The following ERCC6L2 variants were observed in gnomAD, a reference collection of about 807,000 sequenced individuals.
ERCC6L2 encodes the protein DNA excision repair protein ERCC-6-like 2.
In ERCC6L2, 77 loss-of-function variants were observed where a neutral mutation model predicts 132.0. The ratio of observed to expected loss-of-function variants is 0.58; its 90% confidence interval spans 0.49 to 0.71. The LOEUF (loss-of-function observed/expected upper bound fraction) is 0.71, where lower values mean the gene tolerates loss of function less well. Ranked by LOEUF, ERCC6L2 falls within the 30% of genes least tolerant of loss-of-function variation. The probability of loss-of-function intolerance (pLI) is 0.00; values close to 1 mark genes in which losing one functional copy is unlikely to be tolerated. For synonymous variants in ERCC6L2, 583 were observed against 632.4 expected (o/e 0.92, Z 1.17); for missense variants, 1,542 against 1,837.6 (o/e 0.84, Z 2.94).
At chr9:95,922,544 A>G in intron 8 of ERCC6L2, 126 bp downstream of exon 8, 1 of 625,342 alleles carries the variant, frequency 1.6e-6, no homozygotes, top group Non-Finnish European at 2.8e-6. Context: ...GCTTATTTTT[A>G]AATGTAGATA....
chr9:95,921,424 T>C (rs1190592140), intron 7 of ERCC6L2, 109 bp downstream of exon 7: 1 of 797,438 alleles, frequency 1.3e-6, no homozygotes, highest in East Asian at 3.1e-5. Context: ...AGACAGTTCT[T>C]TAAAGCTATG....
chr9:96,006,157 A>G (rs984413198), intron 18 of ERCC6L2, among the ~76,000 whole-genome samples: 5 of 152,190 alleles, frequency 3.3e-5, no homozygotes, highest in Non-Finnish European at 2.9e-5. Flanking sequence ...AGAGTTTATA[A>G]ATGGTCTTCA....
intron 3 of ERCC6L2, among the ~76,000 whole-genome samples, chr9:95,904,137 C>T (rs1356342517): frequency 9.9e-5 from 15 of 151,694 alleles, no homozygotes; most frequent in Non-Finnish European, 2.2e-4. Flanking sequence ...AAGGTTGTGG[C>T]GATAAATACA....
chr9:95,882,464 G>A (rs148873644), intron 2 of ERCC6L2, among the ~76,000 whole-genome samples: 5 of 152,090 alleles, frequency 3.3e-5, no homozygotes, highest in Admixed American at 6.6e-5. Flanking sequence ...TATACTAAAC[G>A]ATCACTTTAG....
At chr9:95,997,967 C>G (rs1411515464) in intron 17 of ERCC6L2, among the ~76,000 whole-genome samples, 1 of 152,164 alleles carries the variant, frequency 6.6e-6, no homozygotes, top group Non-Finnish European at 1.5e-5. Flanking sequence ...GTGAAACCAA[C>G]TTTTCTAACG....
At chr9:95,926,337 A>G (rs904272698) in intron 9 of ERCC6L2, among the ~76,000 whole-genome samples, 1 of 152,308 alleles carries the variant, frequency 6.6e-6, no homozygotes, top group South Asian at 2.1e-4. Flanking sequence ...ACAAGAACCT[A>G]TGAGTTTATT....
chr9:95,984,784 G>A (rs755049542), intron 17 of ERCC6L2, among the ~76,000 whole-genome samples: 2 of 152,076 alleles, frequency 1.3e-5, no homozygotes, highest in Non-Finnish European at 2.9e-5. Context: ...GTTTTTGTCA[G>A]GGTACAATGA....
At chr9:96,020,584 G>GTCTCA, downstream of ERCC6L2, 2 of 363,592 alleles carry the variant, frequency 5.5e-6, no homozygotes, top group Non-Finnish European at 1.1e-5. Flanking sequence ...GGACAAGCAG[G>GTCTCA]TCTCAAGAAG....
chr9:95,958,818 A>G (rs1831750053), intron 13 of ERCC6L2, among the ~76,000 whole-genome samples: 2 of 152,152 alleles, frequency 1.3e-5, no homozygotes, highest in East Asian at 3.8e-4. Flanking sequence ...TCCTACTTAC[A>G]AGGGACGTGA....
At chr9:96,008,813 G>A (rs574882514) in intron 18 of ERCC6L2, among the ~76,000 whole-genome samples, 1 of 152,310 alleles carries the variant, frequency 6.6e-6, no homozygotes, top group South Asian at 2.1e-4. Context: ...TCACATGCTG[G>A]GTTGAGTTTG....
chr9:95,875,980 GTCC>G lies in ERCC6L2; in HGVS notation c.-55_-53del, dbSNP rs1564184455. 2 of 1,545,866 alleles carry G rather than the reference GTCC, an allele frequency of 1.3e-6. No homozygotes were observed. Among genetic ancestry groups the G allele is most frequent in the African/African-American group, 2.7e-5 (2 of 73,108 alleles). On this transcript the variant is annotated 5_prime_UTR_variant, in exon 1 of 19. Coordinates refer to ENST00000653738, the MANE Select transcript of ERCC6L2 (RefSeq NM_020207.7). ...TGGCCTGCCGGCCAGCCACCTTGCTGTCCTCCGCCGCCTTCCGGGTGTTACATG... is the reference window on the plus strand; with the variant it reads ...TGGCCTGCCGGCCAGCCACCTTGCTGTCCGCCGCCTTCCGGGTGTTACATG...
At chr9:95,879,343 T>C (rs1280484916) in intron 1 of ERCC6L2, among the ~76,000 whole-genome samples, 1 of 152,240 alleles carries the variant, frequency 6.6e-6, no homozygotes, top group Admixed American at 6.5e-5. Flanking sequence ...TGGTATAATA[T>C]TTGGTGAATA....
intron 2 of ERCC6L2, among the ~76,000 whole-genome samples, chr9:95,886,002 T>TTTTTTGTTGTTGTTCTC (rs1369011938): frequency 6.6e-6 from 1 of 152,120 alleles, no homozygotes; most frequent in East Asian, 1.9e-4. Flanking sequence ...TACGTGAATC[T>TTTTTTGTTGTTGTTCTC]TTTTTGTTGT....
intron 19 of ERCC6L2, among the ~76,000 whole-genome samples, chr9:96,029,184 A>G (rs540619817): frequency 5.4e-4 from 82 of 151,844 alleles, no homozygotes; most frequent in African/African-American, 1.1e-3. Flanking sequence ...CGTGACTGTA[A>G]TCCCAGCTAC....
At chr9:95,906,845 C>T (rs974357329) in intron 3 of ERCC6L2, 1 of 549,902 alleles carries the variant, frequency 1.8e-6, no homozygotes, top group African/African-American at 1.9e-5. Flanking sequence ...ACACGTGTTT[C>T]TTTGAGCAAG....
At chr9:96,010,820 A>G (rs774433282) in intron 18 of ERCC6L2, among the ~76,000 whole-genome samples, 1 of 152,260 alleles carries the variant, frequency 6.6e-6, no homozygotes, top group Non-Finnish European at 1.5e-5. Flanking sequence ...CCTTGAAGAT[A>G]GGAAACGGAG....
intron 6 of ERCC6L2, among the ~76,000 whole-genome samples, chr9:95,919,979 A>T (rs1172462845): frequency 6.6e-6 from 1 of 152,246 alleles, no homozygotes; most frequent in Non-Finnish European, 1.5e-5. Context: ...ACAAATTGAC[A>T]TTAAATAATG....
Position 95,881,237 on chromosome 9 carries a change from A to G in ERCC6L2, c.415A>G (p.Ile139Val), listed in dbSNP as rs777667044. 2 of 1,592,720 alleles carry G rather than the reference A, an allele frequency of 1.3e-6. No homozygotes were observed. The highest frequency in any genetic ancestry group is 1.7e-6 in the Non-Finnish European group (2 of 1,174,602). Residue 139 changes from isoleucine (I) to valine (V), a missense_variant, in exon 2 of 19, where the codon ATC (isoleucine) becomes GTC (valine). Physicochemically the swap from Ile to Val is conservative, Grantham distance 29. Around this residue, in one of 4 missense-constraint regions of ERCC6L2, gnomAD observed 945 missense variants for 1,105.2 expected, o/e 0.86. Coordinates refer to ENST00000653738, the MANE Select transcript of ERCC6L2 (RefSeq NM_020207.7). ...EGTRFLYGHY[I>V]HGGGCILGDD... is the part of the protein sequence containing the mutation. Reference sequence around the variant, plus strand: ...AACCCGGTTTCTTTATGGACACTACATCCATGGAGGAGGGTGCATTCTGGG... The same window carrying G: ...AACCCGGTTTCTTTATGGACACTACGTCCATGGAGGAGGGTGCATTCTGGG...
chr9:95,906,435 A>G (rs1829038942), intron 3 of ERCC6L2, among the ~76,000 whole-genome samples: 1 of 152,100 alleles, frequency 6.6e-6, no homozygotes, highest in Non-Finnish European at 1.5e-5. Flanking sequence ...GAGCCACTGT[A>G]TGAGGGGTTT....
Sources: gnomAD v4.1 joint callset for allele counts (sites outside exome capture counted in the v4.1 genomes callset) on GRCh38, gnomAD v4.1.1 for gene constraint, gnomAD v4.1.1 regional missense constraint, MANE v1.5 for transcripts, NCBI Gene and HGNC (gene_info 2026-07-23, HGNC 2026-07-21) for gene names.